Variants in COLGALT2 observed in about 807,000 individuals in gnomAD.
The protein encoded by COLGALT2 is collagen beta(1-O)galactosyltransferase 2.
COLGALT2 carries 49 observed loss-of-function variants against 73.4 expected under a neutral mutation model. The ratio of observed to expected loss-of-function variants is 0.67; its 90% confidence interval spans 0.53 to 0.85. The LOEUF (loss-of-function observed/expected upper bound fraction) is 0.85. Among genes scored for constraint, COLGALT2 ranks in the 40% least tolerant of loss-of-function variants. The probability of loss-of-function intolerance (pLI) is 0.00; values close to 1 mark genes in which losing one functional copy is unlikely to be tolerated. For missense variants in COLGALT2, 722 were observed against 790.2 expected (o/e 0.91, Z 1.03); for synonymous variants, 295 against 307.6 (o/e 0.96, Z 0.43).
At chr1:184,029,733 A>G (rs988414325) in intron 1 of COLGALT2, among the ~76,000 whole-genome samples, 1 of 152,236 alleles carries the variant, frequency 6.6e-6, no homozygotes, top group African/African-American at 2.4e-5. Flanking sequence ...GACCTTCTAG[A>G]GGCCAGAGAG....
intron 11 of COLGALT2, among the ~76,000 whole-genome samples, chr1:183,930,569 C>CTTTTT (rs397861890): frequency 1.3e-3 from 145 of 114,074 alleles, no homozygotes; most frequent in East Asian, 1.7e-3. Flanking sequence ...TTTTCTTTTT[C>CTTTTT]TTTTTTTTTT....
In COLGALT2 at chr1:183,938,418, TTTCTC is replaced by T; in HGVS notation, c.*338_*342del. ...GCTGATGTGACAGCTCGGTGATCAC[TTTCTC>T]TTGAACAAGACTCTGAGCCATGTTG... On this transcript the variant is annotated 3_prime_UTR_variant, in exon 12 of 12. Coordinates refer to ENST00000361927, the MANE Select transcript of COLGALT2 (RefSeq NM_015101.4). The T allele has an allele frequency of 9.2e-7, 1 of 1,089,266 alleles. No homozygotes were observed. The highest frequency in any genetic ancestry group is 1.1e-6 in the Non-Finnish European group (1 of 894,912). The allele number at this position is 1,089,266 out of a possible 1,614,324, so 67.5% of individuals were successfully genotyped here. A position where few individuals can be genotyped will look rare whatever the true frequency, so the allele number is the denominator to read the frequency against.
chr1:184,003,431 A>G (rs766977043), intron 1 of COLGALT2, among the ~76,000 whole-genome samples: 2 of 152,190 alleles, frequency 1.3e-5, no homozygotes, highest in Non-Finnish European at 2.9e-5. Context: ...TACTACCGAT[A>G]GATGCTCTGC....
intron 8 of COLGALT2, among the ~76,000 whole-genome samples, chr1:183,949,573 T>C (rs953424358): frequency 1.3e-5 from 2 of 152,052 alleles, no homozygotes; most frequent in Non-Finnish European, 2.9e-5. Context: ...TATACAAAAA[T>C]TTACTCAACA....
At chr1:184,025,305 A>C (rs1343841876) in intron 1 of COLGALT2, among the ~76,000 whole-genome samples, 2 of 152,266 alleles carry the variant, frequency 1.3e-5, no homozygotes, top group East Asian at 3.8e-4. Context: ...CAGGGGACAA[A>C]GGCAGCACTG....
intron 1 of COLGALT2, among the ~76,000 whole-genome samples, chr1:184,029,623 C>T (rs1014325772): frequency 6.6e-6 from 1 of 152,228 alleles, no homozygotes; most frequent in Non-Finnish European, 1.5e-5. Flanking sequence ...GGTTACATGG[C>T]ATGTTTTGTC....
At chr1:183,941,414 A>G (rs1670105409) in intron 10 of COLGALT2, among the ~76,000 whole-genome samples, 1 of 152,182 alleles carries the variant, frequency 6.6e-6, no homozygotes. Flanking sequence ...TGCTCTGAGA[A>G]AGGCCCCCCA....
At chr1:184,033,182 A>G (rs941375406) in intron 1 of COLGALT2, among the ~76,000 whole-genome samples, 2 of 152,232 alleles carry the variant, frequency 1.3e-5, no homozygotes, top group African/African-American at 4.8e-5. Context: ...CATTTGGGGC[A>G]AATGTTTTTC....
intron 1 of COLGALT2, among the ~76,000 whole-genome samples, chr1:184,026,547 C>A (rs1218589263): frequency 1.3e-5 from 2 of 152,100 alleles, no homozygotes; most frequent in East Asian, 3.8e-4. Context: ...CAGAACAATC[C>A]TCTGTATAGC....
chr1:184,004,840 G>C (rs947350471), intron 1 of COLGALT2, among the ~76,000 whole-genome samples: 2 of 152,312 alleles, frequency 1.3e-5, no homozygotes, highest in East Asian at 3.9e-4. Flanking sequence ...GAGAGTCACA[G>C]AGCAGGGGGA....
chr1:184,013,379 C>T (rs940579374), intron 1 of COLGALT2, among the ~76,000 whole-genome samples: 1 of 152,118 alleles, frequency 6.6e-6, no homozygotes, highest in Admixed American at 6.5e-5. Context: ...AGGTCTCAGC[C>T]CAGATTTCAA....
intron 1 of COLGALT2, among the ~76,000 whole-genome samples, chr1:184,015,647 C>T (rs1648973630): frequency 6.6e-6 from 1 of 152,216 alleles, no homozygotes; most frequent in African/African-American, 2.4e-5. Context: ...TCTGAGATCC[C>T]ACGCAACAGA....
chr1:183,940,185 T>C (rs1330134107), intron 11 of COLGALT2, among the ~76,000 whole-genome samples: 1 of 152,182 alleles, frequency 6.6e-6, no homozygotes, highest in African/African-American at 2.4e-5. Flanking sequence ...TATGCAAAAA[T>C]GGGTATCTCT....
chr1:184,003,741 T>A (rs569789737), intron 1 of COLGALT2, among the ~76,000 whole-genome samples: 39 of 152,336 alleles, frequency 2.6e-4, no homozygotes, highest in Non-Finnish European at 3.8e-4. Flanking sequence ...TTTCATACCA[T>A]TTCAATTTTT....
At chr1:183,932,719 C>T (rs535006598), downstream of COLGALT2, among the ~76,000 whole-genome samples, 2 of 152,260 alleles carry the variant, frequency 1.3e-5, no homozygotes, top group South Asian at 2.1e-4. Flanking sequence ...TTGCAGTGGG[C>T]ACTCTCGCTG....
At chr1:183,966,677 T>G (rs1670881296) in intron 5 of COLGALT2, among the ~76,000 whole-genome samples, 1 of 152,200 alleles carries the variant, frequency 6.6e-6, no homozygotes, top group Admixed American at 6.5e-5. Flanking sequence ...CATCAGACAT[T>G]TGGAAGACGA....
At chr1:184,031,629 G>T (rs554818671) in intron 1 of COLGALT2, among the ~76,000 whole-genome samples, 2 of 152,160 alleles carry the variant, frequency 1.3e-5, no homozygotes, top group East Asian at 3.9e-4. Context: ...TAGCTGCCTG[G>T]GTCACATCCT....
intron 6 of COLGALT2, among the ~76,000 whole-genome samples, chr1:183,956,174 T>G (rs947534899): frequency 6.6e-6 from 1 of 152,214 alleles, no homozygotes; most frequent in Non-Finnish European, 1.5e-5. Context: ...TTGCCCATCC[T>G]GAGATACTGT....
chr1:183,937,523 G>A lies in COLGALT2; in HGVS notation c.*1238C>T. 12 of 985,354 alleles carry A rather than the reference G, an allele frequency of 1.2e-5. No individual in the cohort carries two copies. The highest frequency in any genetic ancestry group is 1.4e-5 in the Non-Finnish European group (12 of 829,942). The allele number at this position is 985,354 out of a possible 1,614,324, so 61.0% of individuals were successfully genotyped here. On this transcript the variant is annotated 3_prime_UTR_variant, in exon 12 of 12. Coordinates refer to ENST00000361927, the MANE Select transcript of COLGALT2 (RefSeq NM_015101.4). ...TTCCCTGGTTGCTGGCCTAAATCAG[G>A]TGACCAGCCCTTTGTTTCTGACCAG...
Sources: gnomAD v4.1 joint callset for allele counts (sites outside exome capture counted in the v4.1 genomes callset) on GRCh38, gnomAD v4.1.1 for gene constraint, MANE v1.5 for transcripts, NCBI Gene and HGNC (gene_info 2026-07-23, HGNC 2026-07-21) for gene names.